The following RIMS1 variants were observed in gnomAD, a reference collection of about 807,000 sequenced individuals.
RIMS1 encodes regulating synaptic membrane exocytosis protein 1.
A neutral mutation model predicts 214.1 loss-of-function variants in RIMS1; 83 were observed. The observed-to-expected ratio is 0.39, with a 90% CI of 0.32 to 0.47. The LOEUF (loss-of-function observed/expected upper bound fraction) is 0.47, where lower values mean the gene tolerates loss of function less well. Ranked by LOEUF, RIMS1 falls within the 20% of genes least tolerant of loss-of-function variation. RIMS1 has a pLI of 0.99. For synonymous variants in RIMS1, 793 were observed against 786.8 expected (o/e 1.01, Z -0.13); for missense variants, 2,050 against 2,161.8 (o/e 0.95, Z 1.03).
At chr6:72,263,201 T>A in intron 19 of RIMS1, 1 of 985,080 alleles carries the variant, frequency 1.0e-6, no homozygotes, top group Non-Finnish European at 1.2e-6. Context: ...CACAGCATAT[T>A]AAAGTCATGT....
intron 2 of RIMS1, among the ~76,000 whole-genome samples, chr6:71,972,909 C>T (rs747743098): frequency 8.5e-5 from 13 of 152,068 alleles, no homozygotes; most frequent in Admixed American, 3.9e-4. Flanking sequence ...AACAGTAATA[C>T]GGATTTTTTG....
At chr6:72,323,608 A>T (rs1480677143) in intron 28 of RIMS1, among the ~76,000 whole-genome samples, 1 of 151,876 alleles carries the variant, frequency 6.6e-6, no homozygotes, top group African/African-American at 2.4e-5. Flanking sequence ...AAAAATTCTA[A>T]TGTATATAGA....
chr6:71,975,709 T>C (rs958031175), intron 2 of RIMS1, among the ~76,000 whole-genome samples: 6 of 152,170 alleles, frequency 3.9e-5, no homozygotes, highest in African/African-American at 1.4e-4. Flanking sequence ...AGAAATTTCA[T>C]ACCTTTTAGC....
chr6:72,059,418 G>A (rs532635995), intron 2 of RIMS1, among the ~76,000 whole-genome samples: 162 of 152,014 alleles, frequency 1.1e-3, no homozygotes, highest in African/African-American at 3.5e-3. Context: ...TTGTTGAGAC[G>A]GGGTTTTGCC....
At chr6:72,217,113 A>T in intron 6 of RIMS1, 1 of 1,529,368 alleles carries the variant, frequency 6.5e-7, no homozygotes, top group African/African-American at 1.4e-5. Flanking sequence ...TGTGTTGTGC[A>T]TTTGCTGCCA....
chr6:72,329,456 A>C (rs562683945), intron 28 of RIMS1, among the ~76,000 whole-genome samples: 1 of 151,934 alleles, frequency 6.6e-6, no homozygotes, highest in Admixed American at 6.6e-5. Flanking sequence ...AAAACTGGAT[A>C]ATGTATTCTA....
intron 4 of RIMS1, among the ~76,000 whole-genome samples, chr6:72,143,824 A>G (rs138246477): frequency 3.3e-4 from 50 of 152,364 alleles, no homozygotes; most frequent in Middle Eastern, 3.4e-3. Context: ...GAAGCATTGC[A>G]CTTCAACAAA....
chr6:72,204,987 T>C (rs1370209906), intron 6 of RIMS1, among the ~76,000 whole-genome samples: 3 of 152,142 alleles, frequency 2.0e-5, no homozygotes, highest in Admixed American at 6.6e-5. Context: ...CTTAGGTCAA[T>C]AAGTACCTTT....
At chr6:72,221,573 A>G (rs1408299490) in intron 6 of RIMS1, among the ~76,000 whole-genome samples, 2 of 152,050 alleles carry the variant, frequency 1.3e-5, no homozygotes, top group African/African-American at 2.4e-5. Context: ...TCAAACGTGA[A>G]TAATAAACAT....
At chr6:72,245,031 A>G (rs1239962665) in intron 10 of RIMS1, among the ~76,000 whole-genome samples, 2 of 151,958 alleles carry the variant, frequency 1.3e-5, no homozygotes, top group Non-Finnish European at 2.9e-5. Context: ...AAATAGTCCT[A>G]TGCAGTATAA....
intron 4 of RIMS1, among the ~76,000 whole-genome samples, chr6:72,176,161 A>T (rs540029635): frequency 6.6e-6 from 1 of 152,302 alleles, no homozygotes; most frequent in South Asian, 2.1e-4. Context: ...AGTTTAGATT[A>T]GTTTGGAACA....
chr6:72,315,185 A>G (rs2095706021), intron 28 of RIMS1, among the ~76,000 whole-genome samples: 1 of 152,216 alleles, frequency 6.6e-6, no homozygotes, highest in African/African-American at 2.4e-5. Flanking sequence ...GCAACTCAAC[A>G]AATCAGCATG....
intron 4 of RIMS1, among the ~76,000 whole-genome samples, chr6:72,126,513 A>G (rs72936917): frequency 0.054 from 8,198 of 152,192 alleles, 293 homozygotes; most frequent in Middle Eastern, 0.095. Context: ...GAGCTTCACA[A>G]ACTATGCATT....
chr6:71,913,145 G>T (rs1020999696), intron 1 of RIMS1, among the ~76,000 whole-genome samples: 12 of 151,938 alleles, frequency 7.9e-5, no homozygotes, highest in African/African-American at 2.7e-4. Flanking sequence ...TATATTGTCT[G>T]TTTTTATTAA....
At chr6:72,226,590 A>G (rs150287481) in intron 6 of RIMS1, among the ~76,000 whole-genome samples, 3 of 152,086 alleles carry the variant, frequency 2.0e-5, no homozygotes, top group African/African-American at 7.2e-5. Flanking sequence ...GAAGCTTACA[A>G]CCTATTAGAA....
Position 72,250,970 on chromosome 6 carries a change from A to C in RIMS1, c.2422A>C (p.Lys808Gln). 1 of 1,546,340 alleles carries C rather than the reference A, an allele frequency of 6.5e-7. No individual in the cohort carries two copies. The highest frequency in any genetic ancestry group is 8.7e-7 in the Non-Finnish European group (1 of 1,145,610). ...TKTVKKILEP[K>Q]WNQTFVYSHV... ...AACAGTAAAGAAAATACTAGAACCA[A>C]AATGGAATCAAACTTTTGTCTATTC... Residue 808 changes from lysine to glutamine, a missense_variant, in exon 14 of 34, where the codon AAA becomes CAA. By Grantham distance (53) the Lys-to-Gln change is moderately conservative. Transcript: ENST00000521978.
chr6:72,191,186 T>C (rs780027367), intron 6 of RIMS1, among the ~76,000 whole-genome samples: 1 of 152,238 alleles, frequency 6.6e-6, no homozygotes, highest in Non-Finnish European at 1.5e-5. Context: ...ACCTGATAGA[T>C]GGGCAGAGTA....
At chr6:72,377,208 C>T (rs958767376) in intron 29 of RIMS1, among the ~76,000 whole-genome samples, 3 of 152,146 alleles carry the variant, frequency 2.0e-5, no homozygotes, top group African/African-American at 7.2e-5. Flanking sequence ...TCTTCTGTTC[C>T]CAAACCTTGG....
chr6:72,022,205 A>T (rs976791310), intron 2 of RIMS1, among the ~76,000 whole-genome samples: 1 of 152,160 alleles, frequency 6.6e-6, no homozygotes. Context: ...ATTTACAGAA[A>T]ATTTATAGTT....
Sources: allele counts gnomAD v4.1 joint callset (sites outside exome capture counted in the v4.1 genomes callset), GRCh38; gene constraint gnomAD v4.1.1; transcripts MANE v1.5; gene names NCBI Gene and HGNC (gene_info 2026-07-23, HGNC 2026-07-21).